The following SHCBP1L variants were observed in gnomAD, a reference collection of about 807,000 sequenced individuals.
SHCBP1L encodes the protein SHC binding and spindle associated 1 like, also known as testicular spindle-associated protein SHCBP1L.
A neutral mutation model predicts 62.5 loss-of-function variants in SHCBP1L; 67 were observed. The observed-to-expected ratio is 1.07, with a 90% confidence interval of 0.88 to 1.31. The LOEUF is 1.31. Among genes scored for constraint, SHCBP1L ranks in the 40% most tolerant of loss-of-function variants. The pLI, the probability that SHCBP1L is intolerant of heterozygous loss-of-function variation, is 0.00. For synonymous variants in SHCBP1L, 284 were observed against 289.4 expected (o/e 0.98, Z 0.19); for missense variants, 823 against 809.8 (o/e 1.02, Z -0.20).
chr1:182,906,604 G>C (rs1318244452), intron 6 of SHCBP1L, among the ~76,000 whole-genome samples: 1 of 151,524 alleles, frequency 6.6e-6, no homozygotes, highest in Non-Finnish European at 1.5e-5. Flanking sequence ...ACTAACTTTT[G>C]TATTTTTAGT....
At chr1:182,927,735 C>T (rs897076577) in intron 6 of SHCBP1L, among the ~76,000 whole-genome samples, 1 of 149,744 alleles carries the variant, frequency 6.7e-6, no homozygotes, top group African/African-American at 2.5e-5. Flanking sequence ...ATTTCATGAA[C>T]CTCAAAAGTA....
intron 2 of SHCBP1L, among the ~76,000 whole-genome samples, chr1:182,944,157 A>AAATAAATAAATAAATAAATAAAG (rs1261244494): frequency 7.5e-5 from 4 of 53,302 alleles, no homozygotes; most frequent in African/African-American, 4.5e-4. Context: ...AATAAATAAA[A>AAATAAATAAATAAATAAATAAAG]GAGGCCGGGA....
At position 182,900,016 on chromosome 1, in the gene SHCBP1L, G is replaced by A. The variant is rs775141845; in HGVS notation, c.1929C>T (p.Asn643=). ...LEMNNNKIEA[N]VKGDIRIVTS is the part of the protein sequence containing the mutation. The stretch of plus-strand genomic sequence containing the variant: ...TGACTATTCTGATATCCCCCTTGAC[G>A]TTTGCTTCTATCTTATTATTATTCA... The change falls in exon 10 of 10, where the codon AAC becomes AAT. Residue 643 remains asparagine, a synonymous_variant. Coordinates refer to ENST00000367547, the MANE Select transcript of SHCBP1L (RefSeq NM_030933.4). 6.2e-6 allele frequency: 10 copies of A among 1,611,048 alleles called. No homozygotes were observed. Among genetic ancestry groups the A allele is most frequent in the Admixed American group, 5.0e-5 (3 of 59,542 alleles).
chr1:182,903,029 A>G lies in SHCBP1L; in HGVS notation c.1710+10T>C. On this transcript the variant is annotated intron_variant, in intron 9 of 9. Transcript: ENST00000367547. ...TTATAACAATGCTACATCAAGAAATAAGAGAATACCTTCATATTAACTCCA... is the reference window on the plus strand; with the variant it reads ...TTATAACAATGCTACATCAAGAAATGAGAGAATACCTTCATATTAACTCCA... 1.9e-6 allele frequency: 3 copies of G among 1,562,856 alleles called. No individual in the cohort carries two copies. The highest frequency in any genetic ancestry group is 2.6e-6 in the Non-Finnish European group (3 of 1,156,796).
In SHCBP1L at chr1:182,903,091, T is replaced by C. The variant is rs768044843; in HGVS notation, c.1658A>G (p.Asn553Ser). 1.3e-5 allele frequency: 21 copies of C among 1,602,080 alleles called. No homozygotes were observed. Among genetic ancestry groups the C allele is most frequent in the Non-Finnish European group, 1.8e-5 (21 of 1,173,830 alleles). The change falls in exon 9 of 10, where the codon AAC becomes AGC. Residue 553 changes from asparagine to serine, a missense_variant. Transcript: ENST00000367547. ...TTTTGAACTGTTACTGGTTCTGAGGTTATTACAGTGATGAATTTCATTTCT... is the reference window on the plus strand; with the variant it reads ...TTTTGAACTGTTACTGGTTCTGAGGCTATTACAGTGATGAATTTCATTTCT... ...LERNEIHHCN[N>S]LRTSNSSKST...
intron 2 of SHCBP1L, among the ~76,000 whole-genome samples, chr1:182,947,594 T>C (rs74770891): frequency 0.13 from 20,201 of 152,232 alleles, 2,243 homozygotes; most frequent in African/African-American, 0.29. Context: ...GCTACCCTAG[T>C]GACAGCAGGA....
intron 6 of SHCBP1L, among the ~76,000 whole-genome samples, chr1:182,912,831 C>A (rs1434370905): frequency 1.3e-5 from 2 of 151,554 alleles, no homozygotes; most frequent in African/African-American, 4.8e-5. Context: ...CTGTAATATC[C>A]TTTATAATAA....
intron 2 of SHCBP1L, among the ~76,000 whole-genome samples, chr1:182,944,139 A>AATAAATAAATAAATAG (rs1651472667): frequency 1.3e-5 from 2 of 149,208 alleles, no homozygotes; most frequent in South Asian, 4.2e-4. Flanking sequence ...TAAATAAATA[A>AATAAATAAATAAATAG]ATAAATAAAT....
chr1:182,923,065 A>G (rs770666660), intron 6 of SHCBP1L, among the ~76,000 whole-genome samples: 19 of 152,202 alleles, frequency 1.2e-4, no homozygotes, highest in Non-Finnish European at 2.2e-4. Context: ...CTGACACCAC[A>G]GAAATACAAA....
At chr1:182,952,561 TCTAAC>T (rs1651812756) in intron 1 of SHCBP1L, 163 bp downstream of exon 1, 5 of 774,288 alleles carry the variant, frequency 6.5e-6, no homozygotes, top group Non-Finnish European at 9.6e-6. Flanking sequence ...CGCGGGCACC[TCTAAC>T]AAGGTGAACG....
rs1557996529 is a variant in SHCBP1L, at chr1:182,924,699, A to AGGAAAGGAAAGGAAAGGAAAGGAAG, written c.1182+4947_1182+4948insCTTCCTTTCCTTTCCTTTCCTTTCC. ...AAGAAAGGAAAGGAAAGGAAAGGAA[A>AGGAAAGGAAAGGAAAGGAAAGGAAG]GGAAGAAAGAAAGAAAGAAAGAAAG... On this transcript the variant is annotated intron_variant, in intron 6 of 9. Transcript: ENST00000367547. Among the ~76,000 whole-genome samples, 167 of 98,048 alleles carry AGGAAAGGAAAGGAAAGGAAAGGAAG rather than the reference A, an allele frequency of 1.7e-3. 6 individuals carry two copies. The highest frequency in any genetic ancestry group is 6.4e-3 in the South Asian group (19 of 2,946). 64.3% of individuals were successfully genotyped at this position (98,048 alleles called of 152,430 possible).
chr1:182,925,221 A>G (rs1041618879), intron 6 of SHCBP1L, among the ~76,000 whole-genome samples: 1 of 152,182 alleles, frequency 6.6e-6, no homozygotes, highest in Non-Finnish European at 1.5e-5. Context: ...AGTGGCAATA[A>G]AGCGCACAAA....
chr1:182,943,460 T>C (rs1445080785), intron 2 of SHCBP1L, among the ~76,000 whole-genome samples: 2 of 150,866 alleles, frequency 1.3e-5, no homozygotes, highest in East Asian at 3.9e-4. Flanking sequence ...TTTGTTTTTT[T>C]TTTTGAGACA....
At position 182,929,726 on chromosome 1, in the gene SHCBP1L, A is replaced by G; in HGVS notation, c.1103T>C (p.Ile368Thr). 1.3e-6 allele frequency: 2 copies of G among 1,590,712 alleles called. No homozygotes were observed. Among genetic ancestry groups the G allele is most frequent in the East Asian group, 4.5e-5 (2 of 44,246 alleles). Residue 368 changes from isoleucine to threonine, a missense_variant, in exon 6 of 10, where the codon ATT (isoleucine) becomes ACT (threonine). By Grantham distance (89) the Ile-to-Thr change is moderately conservative. Transcript: ENST00000367547. The stretch of plus-strand genomic sequence containing the variant: ...TCTTTTTCCTTTCCTACGCCTCAGA[A>G]TTCTTGGAAAGAAAGGTCCATGAAC... Reference protein sequence around the residue: ...LRVHGPFFPRILRRRKGKREF... With the variant: ...LRVHGPFFPRTLRRRKGKREF...
Position 182,952,928 on chromosome 1 carries a change from C to G in SHCBP1L, c.206G>C (p.Arg69Pro). The change falls in exon 1 of 10, where the codon CGG becomes CCG. Residue 69 changes from arginine (R) to proline (P), a missense_variant. Coordinates refer to ENST00000367547, the MANE Select transcript of SHCBP1L (RefSeq NM_030933.4). ...GKAGRETARLRLQRLPAAQAE... is the reference protein window; with the variant it reads ...GKAGRETARLPLQRLPAAQAE... ...CTGAGCCGCGGGCAGGCGCTGGAGC[C>G]GCAGCCTGGCCGTCTCCCGGCCCGC... 1 of 1,558,190 alleles carries G rather than the reference C, an allele frequency of 6.4e-7. No individual in the cohort carries two copies. The highest frequency in any genetic ancestry group is 8.7e-7 in the Non-Finnish European group (1 of 1,153,014).
At chr1:182,902,643 T>C (rs1373205826) in intron 9 of SHCBP1L, among the ~76,000 whole-genome samples, 1 of 152,222 alleles carries the variant, frequency 6.6e-6, no homozygotes, top group Non-Finnish European at 1.5e-5. Flanking sequence ...AATGTTTTAA[T>C]TGGTTAGCTT....
chr1:182,930,632 C>G, intron 5 of SHCBP1L, among the ~76,000 whole-genome samples: 1 of 82,954 alleles, frequency 1.2e-5, no homozygotes, highest in African/African-American at 4.5e-5. Context: ...TTATTAAAGA[C>G]AGGGTCTTGC....
chr1:182,924,970 G>GAAAGAAAGA (rs1553245995), intron 6 of SHCBP1L, among the ~76,000 whole-genome samples: 1 of 115,342 alleles, frequency 8.7e-6, no homozygotes, highest in Non-Finnish European at 1.7e-5. Flanking sequence ...AAGAAAGAAA[G>GAAAGAAAGA]AAAGAAAAAA....
chr1:182,930,882 T>C (rs936183163), intron 5 of SHCBP1L, among the ~76,000 whole-genome samples: 2 of 144,224 alleles, frequency 1.4e-5, no homozygotes, highest in Admixed American at 1.4e-4. Flanking sequence ...TGTGCCACCT[T>C]GCCTGGCTTT....
Sources: gnomAD v4.1 joint callset for allele counts (sites outside exome capture counted in the v4.1 genomes callset) on GRCh38, gnomAD v4.1.1 for gene constraint, MANE v1.5 for transcripts, NCBI Gene and HGNC (gene_info 2026-07-23, HGNC 2026-07-21) for gene names.